The following BANP variants were observed in gnomAD, a reference collection of about 807,000 sequenced individuals.
The protein encoded by BANP is BTG3 associated nuclear protein, also known as protein BANP.
In BANP, 11 loss-of-function variants were observed where a neutral mutation model predicts 68.1. That is an observed-to-expected ratio of 0.16 (90% confidence interval 0.10 to 0.27). BANP has a LOEUF of 0.27. Ranked by LOEUF, BANP falls within the 10% of genes least tolerant of loss-of-function variation. BANP has a pLI of 1.00. For missense variants in BANP, 504 were observed against 722.7 expected (o/e 0.70, Z 3.47); for synonymous variants, 329 against 303.2 (o/e 1.09, Z -0.88).
At chr16:88,067,850 G>A (rs1367976233) in intron 12 of BANP, among the ~76,000 whole-genome samples, 1 of 152,194 alleles carries the variant, frequency 6.6e-6, no homozygotes, top group Non-Finnish European at 1.5e-5. Context: ...GTTACACCCT[G>A]AGATGAGGGA....
At chr16:87,970,249 A>G (rs1313790034) in intron 1 of BANP, 1 of 152,208 alleles carries the variant, frequency 6.6e-6, no homozygotes, top group African/African-American at 2.4e-5. Context: ...TGGCCTCTGT[A>G]TATCCTGTCA....
chr16:88,034,863 A>C (rs58687083), intron 9 of BANP, among the ~76,000 whole-genome samples: 1,647 of 152,308 alleles, frequency 0.011, 31 homozygotes, highest in African/African-American at 0.037. Flanking sequence ...ACCCATAGTC[A>C]ACTGTGATCT....
At chr16:88,005,788 A>G (rs1349263835) in intron 5 of BANP, among the ~76,000 whole-genome samples, 1 of 152,240 alleles carries the variant, frequency 6.6e-6, no homozygotes, top group Non-Finnish European at 1.5e-5. Flanking sequence ...ATTTTATGGG[A>G]TGACTACTGA....
intron 2 of BANP, among the ~76,000 whole-genome samples, chr16:87,979,367 G>C (rs1286938524): frequency 6.6e-6 from 1 of 152,210 alleles, no homozygotes; most frequent in Non-Finnish European, 1.5e-5. Context: ...AAGGTGCTGG[G>C]AGGGTGGTCT....
At chr16:88,062,418 G>C (rs527908443) in intron 11 of BANP, among the ~76,000 whole-genome samples, 1 of 152,324 alleles carries the variant, frequency 6.6e-6, no homozygotes, top group South Asian at 2.1e-4. Context: ...CCTTTAGGCC[G>C]GGGTTCCCTC....
rs77198088 is a variant in BANP at position 88,064,687 on chromosome 16, A to G, written c.1312-580A>G. On this transcript the variant is annotated intron_variant, in intron 11 of 13. Coordinates refer to ENST00000682872, the MANE Select transcript of BANP (RefSeq NM_001386991.1). This position sits in a 1 kb window ranked among gnomAD's most constrained non-coding sequence, Gnocchi z 4.5. ...AACAACAACGCTTTTGCCAGACACA[A>G]GAGGCTCCTGTGGAGCTCTCATGGC... Among the ~76,000 whole-genome samples the G allele has an allele frequency of 0.1, 15,527 of 152,276 alleles. 993 individuals are homozygous for G. The highest frequency in any genetic ancestry group is 0.23 in the East Asian group (1,174 of 5,164).
intron 12 of BANP, 147 bp downstream of exon 12, chr16:88,065,479 A>T: frequency 1.7e-6 from 1 of 579,398 alleles, no homozygotes; most frequent in Non-Finnish European, 3.1e-6. Context: ...CACATCTGTG[A>T]GATCCCTTTG....
At chr16:88,005,650 T>TCGCATTG (rs1232235982) in intron 5 of BANP, among the ~76,000 whole-genome samples, 2 of 152,298 alleles carry the variant, frequency 1.3e-5, no homozygotes, top group East Asian at 3.9e-4. Flanking sequence ...GGAGTGCTGC[T>TCGCATTG]CGCATTGCGA....
At chr16:88,041,441 A>G (rs1423291284) in intron 11 of BANP, among the ~76,000 whole-genome samples, 1 of 152,288 alleles carries the variant, frequency 6.6e-6, no homozygotes, top group African/African-American at 2.4e-5. Flanking sequence ...TTCAAATTAA[A>G]TATTGAGAGA....
At chr16:87,961,888 G>C (rs1310996695) in intron 1 of BANP, among the ~76,000 whole-genome samples, 1 of 152,096 alleles carries the variant, frequency 6.6e-6, no homozygotes, top group Non-Finnish European at 1.5e-5. Flanking sequence ...CAGCAGGAAG[G>C]CACTCCTCAG....
At chr16:88,061,016 C>T (rs2152872949) in intron 11 of BANP, among the ~76,000 whole-genome samples, 1 of 152,238 alleles carries the variant, frequency 6.6e-6, no homozygotes. Flanking sequence ...TAAGGTCACT[C>T]CCAGGAGCGC....
At chr16:87,966,704 T>C (rs539874573) in intron 1 of BANP, 5 of 152,348 alleles carry the variant, frequency 3.3e-5, no homozygotes, top group South Asian at 4.1e-4. Context: ...TTTAAAACTA[T>C]TTCCACTGGC....
intron 9 of BANP, among the ~76,000 whole-genome samples, chr16:88,034,241 GT>G (rs1264623052): frequency 6.6e-6 from 1 of 152,202 alleles, no homozygotes; most frequent in East Asian, 1.9e-4. Context: ...TTATTAATTT[GT>G]TTGACATTCA....
At chr16:87,982,981 A>T (rs1412232658) in intron 3 of BANP, among the ~76,000 whole-genome samples, 11 of 151,530 alleles carry the variant, frequency 7.3e-5, no homozygotes, top group Admixed American at 2.0e-4. Flanking sequence ...TCCCCTGTCA[A>T]TGTGGGCCGG....
intron 1 of BANP, among the ~76,000 whole-genome samples, chr16:87,959,180 G>A (rs1162959606): frequency 6.6e-6 from 1 of 152,266 alleles, no homozygotes; most frequent in African/African-American, 2.4e-5. Flanking sequence ...TCGTGCCACT[G>A]TGAAGCCGCT....
chr16:88,071,168 C>T lies in BANP; in HGVS notation c.1378-901C>T. The T allele has an allele frequency of 3.2e-6, 1 of 309,122 alleles. No homozygotes were observed. Among genetic ancestry groups the T allele is most frequent in the Non-Finnish European group, 6.3e-6 (1 of 158,118 alleles). The allele number at this position is 309,122 out of a possible 1,614,324, so 19.1% of individuals were successfully genotyped here. A position where few individuals can be genotyped will look rare whatever the true frequency, so the allele number is the denominator to read the frequency against. On this transcript the variant is annotated intron_variant, in intron 12 of 13. Transcript: ENST00000682872. This position sits in a 1 kb window ranked among gnomAD's most constrained non-coding sequence, Gnocchi z 6.5. Reference sequence around the variant, plus strand: ...TCTTCCCAGGGCCACCGGTGAGACTCTCAGTGCACAGAGTGCGGTTCTGTG... The same window carrying T: ...TCTTCCCAGGGCCACCGGTGAGACTTTCAGTGCACAGAGTGCGGTTCTGTG...
chr16:88,069,941 G>T (rs1356710455), intron 12 of BANP, among the ~76,000 whole-genome samples: 1 of 152,010 alleles, frequency 6.6e-6, no homozygotes, highest in African/African-American at 2.4e-5. Flanking sequence ...AGCAAGGCCA[G>T]CCTCTCCTGT....
intron 5 of BANP, among the ~76,000 whole-genome samples, chr16:88,005,065 CCTT>C (rs2070601025): frequency 1.3e-5 from 2 of 152,206 alleles, no homozygotes; most frequent in Admixed American, 1.3e-4. Context: ...CTCTCAGTCT[CCTT>C]TGTGGATTCC....
At chr16:88,041,666 C>T (rs185015883) in intron 11 of BANP, among the ~76,000 whole-genome samples, 3 of 139,424 alleles carry the variant, frequency 2.2e-5, no homozygotes, top group Non-Finnish European at 3.1e-5. Context: ...CCTCCTTTCC[C>T]TGTAGCCCAC....
Sources: allele counts gnomAD v4.1 joint callset (sites outside exome capture counted in the v4.1 genomes callset), GRCh38; gene constraint gnomAD v4.1.1; non-coding constraint Gnocchi (gnomAD v3.1); transcripts MANE v1.5; gene names NCBI Gene and HGNC (gene_info 2026-07-23, HGNC 2026-07-21).